Variants in CDYL observed in about 807,000 individuals in gnomAD.
CDYL encodes chromodomain Y-like protein.
A neutral mutation model predicts 47.3 loss-of-function variants in CDYL; 8 were observed. The observed-to-expected ratio is 0.17, with a 90% CI of 0.10 to 0.31. The LOEUF is 0.31. Among genes scored for constraint, CDYL ranks in the 10% least tolerant of loss-of-function variants. The probability of loss-of-function intolerance (pLI) is 1.00; values close to 1 mark genes in which losing one functional copy is unlikely to be tolerated. For missense variants in CDYL, 471 were observed against 701.4 expected (o/e 0.67, Z 3.71); for synonymous variants, 266 against 265.0 (o/e 1.00, Z -0.04).
At chr6:4,918,340 C>T (rs1192986354) in intron 2 of CDYL, among the ~76,000 whole-genome samples, 1 of 151,724 alleles carries the variant, frequency 6.6e-6, no homozygotes, top group Non-Finnish European at 1.5e-5. Flanking sequence ...TTATTCTCTG[C>T]ACTGAAAAGA....
intron 4 of CDYL, among the ~76,000 whole-genome samples, chr6:4,939,052 T>C (rs1385749517): frequency 6.6e-6 from 1 of 152,180 alleles, no homozygotes; most frequent in African/African-American, 2.4e-5. Flanking sequence ...CATAAACCCT[T>C]TGTGCTTGCC....
At chr6:4,811,635 G>A (rs1365753649) in intron 1 of CDYL, among the ~76,000 whole-genome samples, 2 of 146,372 alleles carry the variant, frequency 1.4e-5, no homozygotes, top group East Asian at 3.9e-4. Flanking sequence ...TTTGAGACAG[G>A]GTCTCTGTCA....
At chr6:4,876,526 G>A (rs559031768) in intron 1 of CDYL, among the ~76,000 whole-genome samples, 1 of 151,058 alleles carries the variant, frequency 6.6e-6, no homozygotes, top group African/African-American at 2.4e-5. Flanking sequence ...TGGGCATGTA[G>A]TTGTAACTTA....
chr6:4,781,338 C>T (rs539224463), intron 1 of CDYL, among the ~76,000 whole-genome samples: 71 of 152,290 alleles, frequency 4.7e-4, no homozygotes, highest in Admixed American at 3.5e-3. Flanking sequence ...ATGGAAGTCA[C>T]AGAGACCAGG....
At position 4,954,285 on chromosome 6, in the gene CDYL, T is replaced by C; in HGVS notation, c.*229T>C. ...TTGTCCAAACGTCATTATTTTATAC[T>C]TATATACACGCAGGTGTAAAAGTAT... On this transcript the variant is annotated 3_prime_UTR_variant, in exon 7 of 7. Coordinates refer to ENST00000397588, the MANE Select transcript of CDYL (RefSeq NM_004824.4). The C allele has an allele frequency of 2.4e-6, 1 of 408,978 alleles. No homozygotes were observed. Among genetic ancestry groups the C allele is most frequent in the Admixed American group, 4.0e-5 (1 of 25,068 alleles). 25.3% of individuals were successfully genotyped at this position (408,978 alleles called of 1,614,324 possible).
At chr6:4,731,891 G>A (rs1156752100) in intron 2 of CDYL, among the ~76,000 whole-genome samples, 1 of 152,026 alleles carries the variant, frequency 6.6e-6, no homozygotes, top group Non-Finnish European at 1.5e-5. Flanking sequence ...CTAGTAATCT[G>A]TGGAAGGAGG....
chr6:4,802,036 A>G (rs1045340305), intron 1 of CDYL, among the ~76,000 whole-genome samples: 3 of 152,190 alleles, frequency 2.0e-5, no homozygotes, highest in East Asian at 1.9e-4. Flanking sequence ...TGCTTCCCCA[A>G]TTCCAGATTT....
intron 3 of CDYL, among the ~76,000 whole-genome samples, chr6:4,752,259 C>T (rs1758005880): frequency 6.6e-6 from 1 of 152,188 alleles, no homozygotes; most frequent in Admixed American, 6.5e-5. Context: ...AGCTTCTGGG[C>T]AGCCGTTCCC....
chr6:4,873,884 G>A (rs1461565777), intron 1 of CDYL, among the ~76,000 whole-genome samples: 2 of 152,162 alleles, frequency 1.3e-5, no homozygotes, highest in African/African-American at 4.8e-5. Flanking sequence ...TTCACCTCCT[G>A]CCACTGCTTG....
At chr6:4,866,225 G>A (rs1408163062) in intron 1 of CDYL, among the ~76,000 whole-genome samples, 1 of 152,134 alleles carries the variant, frequency 6.6e-6, no homozygotes, top group Non-Finnish European at 1.5e-5. Flanking sequence ...AGACAGAAGA[G>A]TGAATACAGT....
At chr6:4,728,917 G>C (rs1427815517) in intron 2 of CDYL, among the ~76,000 whole-genome samples, 2 of 152,074 alleles carry the variant, frequency 1.3e-5, no homozygotes, top group Non-Finnish European at 2.9e-5. Flanking sequence ...CACTAATTTA[G>C]TACATACCAG....
intron 2 of CDYL, among the ~76,000 whole-genome samples, chr6:4,733,518 G>C (rs2326533): frequency 6.6e-6 from 1 of 151,466 alleles, no homozygotes; most frequent in East Asian, 1.9e-4. Flanking sequence ...TAAATTGTTT[G>C]GTGTACACCA....
chr6:4,798,633 TGTCA>T (rs1387959443), intron 1 of CDYL, among the ~76,000 whole-genome samples: 1 of 152,238 alleles, frequency 6.6e-6, no homozygotes, highest in African/African-American at 2.4e-5. Context: ...TCATAAGGTA[TGTCA>T]GTCTATAATT....
chr6:4,878,440 A>G (rs913097533), intron 1 of CDYL, among the ~76,000 whole-genome samples: 2 of 151,792 alleles, frequency 1.3e-5, no homozygotes, highest in Non-Finnish European at 2.9e-5. Flanking sequence ...ATGTTAATGT[A>G]TATTATATAC....
intron 1 of CDYL, among the ~76,000 whole-genome samples, chr6:4,791,751 A>G (rs1401526973): frequency 2.6e-5 from 4 of 152,156 alleles, no homozygotes; most frequent in Non-Finnish European, 5.9e-5. Flanking sequence ...TGGTCTAACT[A>G]CTACGAACCA....
chr6:4,932,272 C>A (rs1758053710), intron 2 of CDYL, among the ~76,000 whole-genome samples: 1 of 152,224 alleles, frequency 6.6e-6, no homozygotes, highest in Non-Finnish European at 1.5e-5. Flanking sequence ...GATCAGGGTG[C>A]CAGCAGGTTC....
intron 2 of CDYL, among the ~76,000 whole-genome samples, chr6:4,718,025 T>A (rs1158905007): frequency 6.6e-6 from 1 of 151,976 alleles, no homozygotes; most frequent in Admixed American, 6.6e-5. Flanking sequence ...TTATATTTTG[T>A]AGAGATGGTG....
chr6:4,934,767 G>A (rs969573975), intron 2 of CDYL, among the ~76,000 whole-genome samples: 4 of 152,060 alleles, frequency 2.6e-5, no homozygotes, highest in Admixed American at 2.0e-4. Context: ...TTTGAGACCA[G>A]CCTGAGCAAC....
At chr6:4,827,525 A>G (rs144319709) in intron 1 of CDYL, among the ~76,000 whole-genome samples, 8 of 152,374 alleles carry the variant, frequency 5.3e-5, no homozygotes, top group African/African-American at 9.6e-5. Context: ...GTTTAAGTCA[A>G]TATCAGCTTC....
Sources: gnomAD v4.1 joint callset for allele counts (sites outside exome capture counted in the v4.1 genomes callset) on GRCh38, gnomAD v4.1.1 for gene constraint, MANE v1.5 for transcripts, NCBI Gene and HGNC (gene_info 2026-07-23, HGNC 2026-07-21) for gene names.